LAMB3: variants seen among roughly 807,000 people sequenced by gnomAD.
LAMB3 encodes laminin subunit beta 3.
Under a neutral mutation model 140.3 loss-of-function variants are expected in LAMB3, and 104 were observed. That is an observed-to-expected ratio of 0.74 (90% CI 0.63 to 0.87). The LOEUF is 0.87. Among genes scored for constraint, LAMB3 ranks in the 40% least tolerant of loss-of-function variants. LAMB3 has a pLI of 0.00. For missense variants in LAMB3, 1,531 were observed against 1,575.2 expected (o/e 0.97, Z 0.47); for synonymous variants, 592 against 602.9 (o/e 0.98, Z 0.26).
In LAMB3 at chr1:209,627,304, C is replaced by T. The variant is rs982905734; in HGVS notation, c.1485+79G>A. 2.8e-5 allele frequency: 33 copies of T among 1,199,564 alleles called. No homozygotes were observed. In the Admixed American group the frequency reaches 6.2e-4, roughly 23 times the overall value. 74.3% of individuals were successfully genotyped at this position (1,199,564 alleles called of 1,614,324 possible). ...ACAGGGGAGAGGCCTAGAAGGGCAG[C>T]ATGGAGGGGCAGCAGAGAGGCTGGT... On this transcript the variant is annotated intron_variant, in intron 12 of 22. Transcript: ENST00000356082.
chr1:209,623,115 T>A lies in LAMB3; in HGVS notation c.2423A>T (p.Gln808Leu), dbSNP rs776068228. 2 of 1,614,166 alleles carry A rather than the reference T, an allele frequency of 1.2e-6. No individual in the cohort carries two copies. Among genetic ancestry groups the A allele is most frequent in the Non-Finnish European group, 1.7e-6 (2 of 1,180,034 alleles). Residue 808 changes from glutamine (Q) to leucine (L), a missense_variant, in exon 17 of 23, where the codon CAA (glutamine) becomes CTA (leucine). Transcript: ENST00000356082. This position sits in a 1 kb window ranked among gnomAD's most constrained non-coding sequence, Gnocchi z 4.2. ...PISCPGELCP[Q>L]DNGTACGSRC... is the part of the protein sequence containing the mutation. The stretch of plus-strand genomic sequence containing the variant: ...GGAGCCACAGGCTGTGCCATTGTCT[T>A]GGGGACATAGCTCACCAGGGCATGA...
chr1:209,644,517 G>C (rs1392714928), intron 3 of LAMB3, among the ~76,000 whole-genome samples: 2 of 152,066 alleles, frequency 1.3e-5, no homozygotes, highest in African/African-American at 4.8e-5. Context: ...GTTAAGAAAT[G>C]TGTCCAAGCC....
intron 3 of LAMB3, among the ~76,000 whole-genome samples, chr1:209,641,342 T>C (rs2076467492): frequency 6.6e-6 from 1 of 152,138 alleles, no homozygotes; most frequent in Non-Finnish European, 1.5e-5. Flanking sequence ...GTAGTTTCAA[T>C]GCAATAACCT....
intron 3 of LAMB3, among the ~76,000 whole-genome samples, chr1:209,647,173 A>G (rs772233928): frequency 1.3e-5 from 2 of 152,290 alleles, no homozygotes; most frequent in Non-Finnish European, 2.9e-5. Context: ...AAGGGTTGCA[A>G]CATGGACCCG....
chr1:209,631,264 C>G (rs1024574674), intron 8 of LAMB3, among the ~76,000 whole-genome samples: 1 of 152,236 alleles, frequency 6.6e-6, no homozygotes, highest in African/African-American at 2.4e-5. Context: ...ATTCAAGGAC[C>G]TGTATCATGT....
Position 209,618,754 on chromosome 1 carries a change from A to G in LAMB3, c.2702-95T>C, listed in dbSNP as rs2102407263. 3.3e-6 allele frequency: 4 copies of G among 1,198,414 alleles called. No homozygotes were observed. The South Asian group carries it at 5.2e-5, about 16-fold the overall frequency. 74.2% of individuals were successfully genotyped at this position (1,198,414 alleles called of 1,614,324 possible). On this transcript the variant is annotated intron_variant, in intron 18 of 22. Coordinates refer to ENST00000356082, the MANE Select transcript of LAMB3 (RefSeq NM_000228.3). Reference sequence around the variant, plus strand: ...TGAGCAGCACTTGTGGAAGGCACCCACAGTGGCCCCTCTACCGTGGTGTCC... The same window carrying G: ...TGAGCAGCACTTGTGGAAGGCACCCGCAGTGGCCCCTCTACCGTGGTGTCC...
intron 13 of LAMB3, 39 bp downstream of exon 13, chr1:209,626,828 C>A (rs1212316286): frequency 6.6e-7 from 1 of 1,526,702 alleles, no homozygotes; most frequent in South Asian, 1.1e-5. Flanking sequence ...CGTGCTCGGC[C>A]CCCAGAGCCT....
intron 6 of LAMB3, among the ~76,000 whole-genome samples, chr1:209,634,014 T>C (rs951825058): frequency 6.6e-6 from 1 of 152,208 alleles, no homozygotes; most frequent in African/African-American, 2.4e-5. Context: ...AAGACTGGGT[T>C]AGATGGATAG....
intron 3 of LAMB3, among the ~76,000 whole-genome samples, chr1:209,640,441 G>A (rs757755050): frequency 1.3e-5 from 2 of 151,822 alleles, no homozygotes; most frequent in South Asian, 2.1e-4. Flanking sequence ...CCAGCTACTC[G>A]GGAGGCTGGG....
At chr1:209,617,331 T>C in intron 21 of LAMB3, 79 bp downstream of exon 21, 1 of 1,455,918 alleles carries the variant, frequency 6.9e-7, no homozygotes, top group Non-Finnish European at 9.6e-7. Context: ...TGTGGTCTTA[T>C]AAAGTGTGCA....
At chr1:209,648,022 A>G (rs2076532838) in intron 3 of LAMB3, among the ~76,000 whole-genome samples, 1 of 152,244 alleles carries the variant, frequency 6.6e-6, no homozygotes, top group African/African-American at 2.4e-5. Flanking sequence ...CAGCCACCAG[A>G]GCACCCAGAG....
At position 209,650,136 on chromosome 1, in the gene LAMB3, T is replaced by A. The variant is rs577109751; in HGVS notation, c.29-18A>T. 40 of 1,608,616 alleles carry A rather than the reference T, an allele frequency of 2.5e-5. 1 individual carries two copies. The East Asian group carries it at 6.5e-4, about 26-fold the overall frequency. ...AGGCAGGGCTGAAATCACAGGGATG[T>A]GTGATGGAGCAGTCCAGAAAAAAAG... On this transcript the variant is annotated intron_variant, in intron 2 of 22. Coordinates refer to ENST00000356082, the MANE Select transcript of LAMB3 (RefSeq NM_000228.3).
In LAMB3 at chr1:209,630,632, T is replaced by C; in HGVS notation, c.926A>G (p.Asp309Gly). The C allele has an allele frequency of 2.5e-6, 4 of 1,614,124 alleles. No individual in the cohort carries two copies. Among genetic ancestry groups the C allele is most frequent in the Non-Finnish European group, 2.5e-6 (3 of 1,180,008 alleles). Residue 309 changes from aspartate (D) to glycine (G), a missense_variant, in exon 9 of 23, where the codon GAC (aspartate) becomes GGC (glycine). By Grantham distance (94) the Asp-to-Gly change is moderately conservative. Transcript: ENST00000356082. ...NRPWRPAEGQ[D>G]AHECQRCDCN... ...GCTCCTACTTTGGCATTCATGGGCG[T>C]CCTGGCCCTCCGCCGGTCTCCAGGG...
intron 21 of LAMB3, among the ~76,000 whole-genome samples, chr1:209,617,196 G>T (rs1218655600): frequency 6.6e-6 from 1 of 152,194 alleles, no homozygotes; most frequent in Non-Finnish European, 1.5e-5. Flanking sequence ...GACTGGACTA[G>T]GTCATCTCCA....
chr1:209,622,373 C>T (rs187140145), intron 18 of LAMB3, among the ~76,000 whole-genome samples, 163 bp downstream of exon 18: 15 of 152,136 alleles, frequency 9.9e-5, no homozygotes, highest in East Asian at 5.8e-4. Context: ...GGAGGGCAGA[C>T]GGGAGAACGA....
chr1:209,615,147 G>T lies in LAMB3; in HGVS notation c.*124C>A. On this transcript the variant is annotated 3_prime_UTR_variant, in exon 23 of 23. Coordinates refer to ENST00000356082, the MANE Select transcript of LAMB3 (RefSeq NM_000228.3). ...ATCTTACTAGCTACACACCAGGGGT[G>T]GTCCAGGCTGTACTTTAGGCTGCAT... 1 of 1,219,968 alleles carries T rather than the reference G, an allele frequency of 8.2e-7. No individual in the cohort carries two copies. The highest frequency in any genetic ancestry group is 1.2e-6 in the Non-Finnish European group (1 of 846,886). 75.6% of individuals were successfully genotyped at this position (1,219,968 alleles called of 1,614,324 possible).
intron 21 of LAMB3, 92 bp downstream of exon 21, chr1:209,617,318 G>A: frequency 7.3e-7 from 1 of 1,377,262 alleles, no homozygotes; most frequent in Non-Finnish European, 1.0e-6. Context: ...GCACTTTTGA[G>A]TTTGTGGTCT....
At chr1:209,640,367 G>T (rs891370075) in intron 3 of LAMB3, among the ~76,000 whole-genome samples, 3 of 151,974 alleles carry the variant, frequency 2.0e-5, no homozygotes, top group African/African-American at 7.3e-5. Context: ...GGCCAATATG[G>T]TGAAACCCTG....
At chr1:209,626,815 C>T (rs758416253) in intron 13 of LAMB3, 52 bp downstream of exon 13, 9 of 1,373,012 alleles carry the variant, frequency 6.6e-6, no homozygotes, top group Non-Finnish European at 9.3e-6. Flanking sequence ...ATGTGCCCAC[C>T]CGCGTGCTCG....
Sources: gnomAD v4.1 joint callset for allele counts (sites outside exome capture counted in the v4.1 genomes callset) on GRCh38, gnomAD v4.1.1 for gene constraint, Gnocchi (gnomAD v3.1) non-coding constraint, MANE v1.5 for transcripts, NCBI Gene and HGNC (gene_info 2026-07-23, HGNC 2026-07-21) for gene names.